The following TPST1 variants were observed in gnomAD, a reference collection of about 807,000 sequenced individuals.
TPST1 encodes tyrosylprotein sulfotransferase 1, also known as protein-tyrosine sulfotransferase 1.
TPST1 carries 20 observed loss-of-function variants against 34.8 expected under a neutral mutation model. The observed-to-expected ratio is 0.57, with a 90% confidence interval of 0.40 to 0.84. The LOEUF (loss-of-function observed/expected upper bound fraction) is 0.84, where lower values mean the gene tolerates loss of function less well. TPST1 is among the 40% of genes least tolerant of loss of function. The pLI is 0.00. For missense variants in TPST1, 353 were observed against 455.5 expected (o/e 0.78, Z 2.05); for synonymous variants, 152 against 159.4 (o/e 0.95, Z 0.35).
At chr7:66,330,785 C>G (rs1249419194) in intron 3 of TPST1, among the ~76,000 whole-genome samples, 1 of 152,198 alleles carries the variant, frequency 6.6e-6, no homozygotes, top group Non-Finnish European at 1.5e-5. Flanking sequence ...AACCTATTTC[C>G]CAGTTCTAAT....
At position 66,240,444 on chromosome 7, in the gene TPST1, C is replaced by G; in HGVS notation, c.19C>G (p.Gln7Glu). 1.2e-6 allele frequency: 2 copies of G among 1,613,640 alleles called. No individual in the cohort carries two copies. The highest frequency in any genetic ancestry group is 1.7e-6 in the Non-Finnish European group (2 of 1,179,760). MVGKLK[Q>E]NLLLACLVIS... Reference sequence around the variant, plus strand: ...CATCAAGATGGTTGGAAAGCTGAAGCAGAACTTACTATTGGCATGTCTGGT... The same window carrying G: ...CATCAAGATGGTTGGAAAGCTGAAGGAGAACTTACTATTGGCATGTCTGGT... The change falls in exon 2 of 6, where the codon CAG (glutamine) becomes GAG (glutamate). Residue 7 changes from glutamine to glutamate, a missense_variant. Transcript: ENST00000304842.
intron 3 of TPST1, among the ~76,000 whole-genome samples, chr7:66,304,803 TA>T (rs780563318): frequency 1.3e-5 from 2 of 150,802 alleles, no homozygotes; most frequent in Non-Finnish European, 3.0e-5. Flanking sequence ...TATACTGAGA[TA>T]CAGAGTTAGC....
chr7:66,219,298 C>T (rs929875557), intron 1 of TPST1, among the ~76,000 whole-genome samples: 2 of 152,048 alleles, frequency 1.3e-5, no homozygotes, highest in African/African-American at 2.4e-5. Flanking sequence ...CATAATTTCC[C>T]ACAACAAACA....
At chr7:66,330,214 T>C (rs1791970481) in intron 3 of TPST1, among the ~76,000 whole-genome samples, 1 of 152,158 alleles carries the variant, frequency 6.6e-6, no homozygotes, top group Admixed American at 6.5e-5. Flanking sequence ...GAATTTTAGA[T>C]GAGGAGATTA....
intron 2 of TPST1, among the ~76,000 whole-genome samples, chr7:66,274,034 A>C (rs1158492162): frequency 6.8e-6 from 1 of 147,060 alleles, no homozygotes; most frequent in Non-Finnish European, 1.5e-5. Context: ...ACGGGGTTTC[A>C]CCATGTTGGC....
chr7:66,311,578 C>G lies in TPST1; in HGVS notation c.1044+24869C>G, dbSNP rs115870624. Among the ~76,000 whole-genome samples, 267 of 152,198 alleles carry G rather than the reference C, an allele frequency of 1.8e-3. 3 individuals are homozygous for G. The highest frequency in any genetic ancestry group is 5.9e-3 in the African/African-American group (246 of 41,522). ...CTTCTGATGCATCACTTTAAGGCTT[C>G]GATTATTAAACAAGCAATTACTAAA... On this transcript the variant is annotated intron_variant, in intron 3 of 5. Coordinates refer to ENST00000304842, the MANE Select transcript of TPST1 (RefSeq NM_003596.4).
At chr7:66,273,824 A>G (rs1426590325) in intron 2 of TPST1, among the ~76,000 whole-genome samples, 1 of 151,824 alleles carries the variant, frequency 6.6e-6, no homozygotes, top group African/African-American at 2.4e-5. Flanking sequence ...TTCTTTTGAG[A>G]CAGGGTCTCA....
intron 5 of TPST1, 129 bp downstream of exon 5, chr7:66,357,000 T>C: frequency 1.2e-6 from 1 of 801,624 alleles, no homozygotes. Context: ...CCTCTTCACT[T>C]TCTGTGTGGA....
intron 1 of TPST1, among the ~76,000 whole-genome samples, chr7:66,221,137 A>AC: frequency 6.6e-6 from 1 of 152,234 alleles, no homozygotes; most frequent in East Asian, 1.9e-4. Flanking sequence ...CGTCTTAAAA[A>AC]AAAAAAAAAG....
At chr7:66,254,006 A>G (rs1319274081) in intron 2 of TPST1, among the ~76,000 whole-genome samples, 1 of 149,804 alleles carries the variant, frequency 6.7e-6, no homozygotes, top group Admixed American at 6.6e-5. Context: ...CTGTTTCAAA[A>G]AAAAAAAAAA....
intron 1 of TPST1, chr7:66,221,563 G>T (rs998369677): frequency 6.6e-6 from 1 of 152,218 alleles, no homozygotes; most frequent in Non-Finnish European, 1.5e-5. Flanking sequence ...GATCAAGTCT[G>T]AGATTGGGAT....
intron 2 of TPST1, among the ~76,000 whole-genome samples, chr7:66,259,186 C>T (rs1790436845): frequency 6.6e-6 from 1 of 152,024 alleles, no homozygotes; most frequent in Non-Finnish European, 1.5e-5. Flanking sequence ...TTGGTAAATG[C>T]TCTTCTTGTA....
chr7:66,252,328 G>A (rs1352782812), intron 2 of TPST1, among the ~76,000 whole-genome samples: 1 of 143,156 alleles, frequency 7.0e-6, no homozygotes, highest in Non-Finnish European at 1.5e-5. Context: ...AAAGTGCTGG[G>A]ATTACAGGCT....
chr7:66,202,482 T>G (rs866567086), upstream of TPST1, among the ~76,000 whole-genome samples: 1 of 152,192 alleles, frequency 6.6e-6, no homozygotes, highest in South Asian at 2.1e-4. Context: ...CAGCTCCCTA[T>G]GTGGCTACTC....
intron 1 of TPST1, among the ~76,000 whole-genome samples, chr7:66,208,316 A>G (rs1481161499): frequency 6.6e-6 from 1 of 152,176 alleles, no homozygotes; most frequent in Non-Finnish European, 1.5e-5. Context: ...CTCTGGGAGC[A>G]TCACCCTGGT....
chr7:66,273,954 C>T (rs1790754278), intron 2 of TPST1, among the ~76,000 whole-genome samples: 1 of 152,090 alleles, frequency 6.6e-6, no homozygotes, highest in Non-Finnish European at 1.5e-5. Flanking sequence ...AGGCATGTGC[C>T]ACCATGCCCA....
chr7:66,332,270 CT>C lies in TPST1; in HGVS notation c.1045-20221del, dbSNP rs754222451. ...GTTGCACTGAGACTTTTGTTTACAT[CT>C]TTTTTTTTTTTTTGAGATGAGAGTC... On this transcript the variant is annotated intron_variant, in intron 3 of 5. Transcript: ENST00000304842. This position sits in a 1 kb window ranked among gnomAD's most constrained non-coding sequence, Gnocchi z 4.5. Among the ~76,000 whole-genome samples, 340 of 142,578 alleles carry C rather than the reference CT, an allele frequency of 2.4e-3. No homozygotes were observed. Among genetic ancestry groups the C allele is most frequent in the Admixed American group, 2.9e-3 (41 of 14,216 alleles). The allele number at this position is 142,578 out of a possible 152,430, so 93.5% of individuals were successfully genotyped here. A position where few individuals can be genotyped will look rare whatever the true frequency, so the allele number is the denominator to read the frequency against.
At chr7:66,225,065 G>A (rs571023896) in intron 1 of TPST1, among the ~76,000 whole-genome samples, 40 of 151,556 alleles carry the variant, frequency 2.6e-4, no homozygotes, top group Admixed American at 8.5e-4. Flanking sequence ...TTACAGGCAC[G>A]CGCCACCACG....
At chr7:66,321,458 A>G (rs1442303268) in intron 3 of TPST1, among the ~76,000 whole-genome samples, 3 of 152,242 alleles carry the variant, frequency 2.0e-5, no homozygotes, top group Non-Finnish European at 2.9e-5. Flanking sequence ...CCAGTACAGC[A>G]TGGCCCAAGG....
Sources: gnomAD v4.1 joint callset for allele counts (sites outside exome capture counted in the v4.1 genomes callset) on GRCh38, gnomAD v4.1.1 for gene constraint, Gnocchi (gnomAD v3.1) non-coding constraint, MANE v1.5 for transcripts, NCBI Gene and HGNC (gene_info 2026-07-23, HGNC 2026-07-21) for gene names.